EYS: variants seen among roughly 807,000 people sequenced by gnomAD.
EYS encodes the protein protein eyes shut homolog.
EYS carries 250 observed loss-of-function variants against 282.1 expected under a neutral mutation model. That is an observed-to-expected ratio of 0.89 (90% confidence interval 0.80 to 0.98). EYS has a LOEUF of 0.98. EYS is among the 50% of genes least tolerant of loss of function. EYS has a pLI of 0.00. For synonymous variants in EYS, 1,355 were observed against 1,282.9 expected (o/e 1.06, Z -1.20); for missense variants, 4,016 against 3,709.0 (o/e 1.08, Z -2.15).
At chr6:64,709,716 C>G (rs961816409) in intron 22 of EYS, among the ~76,000 whole-genome samples, 4 of 152,272 alleles carry the variant, frequency 2.6e-5, no homozygotes, top group South Asian at 4.1e-4. Flanking sequence ...TATGAAAATT[C>G]GTCCTAGAGG....
intron 22 of EYS, among the ~76,000 whole-genome samples, chr6:64,754,361 C>G (rs1321746964): frequency 2.8e-5 from 4 of 142,038 alleles, no homozygotes; most frequent in Non-Finnish European, 1.5e-5. Flanking sequence ...AAACATCTCT[C>G]TGGAAAACCC....
rs1185867411 is a variant in EYS, at chr6:64,590,603, T to G, written c.5264A>C (p.Asp1755Ala). 1 of 1,551,192 alleles carries G rather than the reference T, an allele frequency of 6.4e-7. No homozygotes were observed. ...TTCTGAATATGTCTTTAAAGTAACA[T>G]CCGGATAAATTTGTAAGTTTAACTC... is the stretch of plus-strand genomic sequence containing the variant. ...DFELNLQIYP[D>A]VTLKTYSEIT... The change falls in exon 26 of 43, where the codon GAT becomes GCT. Residue 1755 changes from aspartate (D) to alanine (A), a missense_variant. Coordinates refer to ENST00000503581, the MANE Select transcript of EYS (RefSeq NM_001142800.2).
chr6:65,054,199 T>C (rs368087438), intron 13 of EYS, among the ~76,000 whole-genome samples: 1 of 152,018 alleles, frequency 6.6e-6, no homozygotes, highest in Non-Finnish European at 1.5e-5. Context: ...TGCTGGTTGC[T>C]GTAAAGAACA....
chr6:63,720,670 G>A lies in EYS; in HGVS notation c.9361C>T (p.Pro3121Ser), dbSNP rs1441566260. The change falls in exon 43 of 43, where the codon CCA (proline) becomes TCA (serine). Residue 3121 changes from proline (P) to serine (S), a missense_variant. Coordinates refer to ENST00000503581, the MANE Select transcript of EYS (RefSeq NM_001142800.2). ...AATTTAATTAGTTCAATGTTTTTTG[G>A]TTCCTGAAAAAATACAACATCTTTA... Reference protein sequence around the residue: ...KIKDVVFFQEPKNIELIKLEG... With the variant: ...KIKDVVFFQESKNIELIKLEG... The A allele has an allele frequency of 1.9e-6, 3 of 1,538,818 alleles. No homozygotes were observed. The African/African-American group carries it at 4.2e-5, about 21-fold the overall frequency.
At position 63,887,317 on chromosome 6, in the gene EYS, T is replaced by TTG. The variant is rs377131646; in HGVS notation, c.7056-22960_7056-22959insCA. 3.1e-3 allele frequency among the ~76,000 whole-genome samples: 431 copies of TTG among 138,504 alleles called. 4 individuals are homozygous for TTG. Among genetic ancestry groups the TTG allele is most frequent in the South Asian group, 0.019 (81 of 4,186 alleles). 90.9% of individuals were successfully genotyped at this position (138,504 alleles called of 152,430 possible). On this transcript the variant is annotated intron_variant, in intron 35 of 42. Transcript: ENST00000503581. ...AGAGGAAAGAGGAATAAAAGGTGTT[T>TTG]TTTTTTTTTTTTTTTGTCTTTGAAA...
chr6:64,526,561 C>T (rs971073297), intron 26 of EYS, among the ~76,000 whole-genome samples: 1 of 151,732 alleles, frequency 6.6e-6, no homozygotes, highest in African/African-American at 2.4e-5. Context: ...ATCTCTGTTA[C>T]ATTATTATGT....
intron 29 of EYS, among the ~76,000 whole-genome samples, chr6:64,336,678 A>G (rs141274238): frequency 4.6e-4 from 70 of 152,212 alleles, no homozygotes; most frequent in African/African-American, 1.6e-3. Flanking sequence ...TACACATTCT[A>G]TTCAACAGCG....
intron 26 of EYS, among the ~76,000 whole-genome samples, chr6:64,480,865 CAAAA>C (rs1582805521): frequency 6.6e-6 from 1 of 151,458 alleles, no homozygotes; most frequent in Non-Finnish European, 1.5e-5. Context: ...TCAGGTTAAA[CAAAA>C]AAATATGTAT....
intron 31 of EYS, among the ~76,000 whole-genome samples, chr6:64,136,951 G>C (rs3003674): frequency 0.45 from 68,004 of 152,014 alleles, 17,333 homozygotes; most frequent in African/African-American, 0.7. Flanking sequence ...TAATTTCTTT[G>C]TAGCTATGAA....
intron 29 of EYS, among the ~76,000 whole-genome samples, chr6:64,345,153 C>A (rs1771327044): frequency 6.6e-6 from 1 of 152,068 alleles, no homozygotes; most frequent in South Asian, 2.1e-4. Context: ...CAATGCCATC[C>A]CCATCAAGCT....
At chr6:63,745,683 A>G (rs1769194186) in intron 41 of EYS, among the ~76,000 whole-genome samples, 1 of 152,232 alleles carries the variant, frequency 6.6e-6, no homozygotes, top group African/African-American at 2.4e-5. Flanking sequence ...TGGATGTTGG[A>G]TGGTCTTATT....
intron 37 of EYS, among the ~76,000 whole-genome samples, chr6:63,805,363 G>A (rs922674837): frequency 6.6e-6 from 1 of 152,176 alleles, no homozygotes; most frequent in African/African-American, 2.4e-5. Flanking sequence ...TTTGTTACAG[G>A]CTGAGTACTT....
intron 34 of EYS, among the ~76,000 whole-genome samples, chr6:63,986,274 A>C (rs1272500694): frequency 6.6e-6 from 1 of 151,912 alleles, no homozygotes; most frequent in Non-Finnish European, 1.5e-5. Flanking sequence ...AAAAAATAAC[A>C]GACGCTGGCT....
intron 36 of EYS, among the ~76,000 whole-genome samples, chr6:63,810,989 T>A (rs965952342): frequency 6.6e-6 from 1 of 152,240 alleles, no homozygotes; most frequent in African/African-American, 2.4e-5. Context: ...CTGACAAGGC[T>A]GACTCTGCCC....
intron 1 of EYS, among the ~76,000 whole-genome samples, chr6:65,673,164 T>A (rs528987906): frequency 3.3e-5 from 5 of 152,108 alleles, no homozygotes; most frequent in Admixed American, 3.3e-4. Context: ...CTGTCTTTTA[T>A]ATTAATAAGA....
At chr6:64,175,195 AACTC>A (rs1311077993) in intron 31 of EYS, among the ~76,000 whole-genome samples, 1 of 152,162 alleles carries the variant, frequency 6.6e-6, no homozygotes, top group Non-Finnish European at 1.5e-5. Flanking sequence ...GCATAAATGT[AACTC>A]ACTCAATATT....
intron 5 of EYS, among the ~76,000 whole-genome samples, chr6:65,475,932 C>T (rs1414244795): frequency 6.6e-6 from 1 of 151,668 alleles, no homozygotes; most frequent in Non-Finnish European, 1.5e-5. Context: ...TTTCAGTAAG[C>T]CAAAAATGAT....
At chr6:65,604,352 G>A (rs367869722) in intron 2 of EYS, among the ~76,000 whole-genome samples, 2 of 151,968 alleles carry the variant, frequency 1.3e-5, no homozygotes, top group East Asian at 1.9e-4. Context: ...GTTGATGTGC[G>A]GGCAATTCTA....
chr6:65,305,294 C>CT (rs1768972500), intron 11 of EYS, among the ~76,000 whole-genome samples: 1 of 152,156 alleles, frequency 6.6e-6, no homozygotes, highest in African/African-American at 2.4e-5. Flanking sequence ...TCAGTTTTGG[C>CT]TTTTTTCTCC....
Sources: allele counts gnomAD v4.1 joint callset (sites outside exome capture counted in the v4.1 genomes callset), GRCh38; gene constraint gnomAD v4.1.1; transcripts MANE v1.5; gene names NCBI Gene and HGNC (gene_info 2026-07-23, HGNC 2026-07-21).